SAMD10: variants seen among roughly 807,000 people sequenced by gnomAD.
SAMD10 encodes the protein sterile alpha motif domain-containing protein 10.
A neutral mutation model predicts 22.5 loss-of-function variants in SAMD10; 16 were observed. That is an observed-to-expected ratio of 0.71 (90% CI 0.48 to 1.08). The LOEUF is 1.08. SAMD10 is among the 50% of genes least tolerant of loss of function. The pLI, the probability that SAMD10 is intolerant of heterozygous loss-of-function variation, is 0.00. For synonymous variants in SAMD10, 118 were observed against 122.2 expected (o/e 0.97, Z 0.23); for missense variants, 227 against 281.3 (o/e 0.81, Z 1.38).
In SAMD10 at chr20:63,979,007, G is replaced by A. The variant is rs1012388042; in HGVS notation, c.91+370C>T. Among the ~76,000 whole-genome samples, 2 of 152,212 alleles carry A rather than the reference G, an allele frequency of 1.3e-5. No individual in the cohort carries two copies. The highest frequency in any genetic ancestry group is 4.8e-5 in the African/African-American group (2 of 41,448). On this transcript the variant is annotated intron_variant, in intron 1 of 4. Transcript: ENST00000369886. The surrounding 1 kb of genome is among the most constrained non-coding windows in gnomAD (Gnocchi z 7.7). ...CTCCCGCCCCAACGTCAGGATTCCA[G>A]AAGGAAATGGGGCGGGGGCACCGAG...
At chr20:63,978,330 G>T in intron 1 of SAMD10, 1 of 1,299,208 alleles carries the variant, frequency 7.7e-7, no homozygotes, top group Non-Finnish European at 1.0e-6. Flanking sequence ...AATGAATGAA[G>T]GCTCTGTATG....
In SAMD10 at chr20:63,977,376, A is replaced by T; in HGVS notation, c.122T>A (p.Leu41His). Residue 41 changes from leucine to histidine, a missense_variant, in exon 2 of 5, where the codon CTC becomes CAC. By Grantham distance (99) the Leu-to-His change is moderately conservative (BLOSUM62 -3). Transcript: ENST00000369886. The surrounding 1 kb of genome is among the most constrained non-coding windows in gnomAD (Gnocchi z 5.4). The stretch of plus-strand genomic sequence containing the variant: ...CTCAGCTGACACCGTGTGCTCCAGG[A>T]GGGTCCGGCAGAAGCTGAAGTGGGC... ...ATAHFSFCRT[L>H]LEHTVSAESI... 1.2e-6 allele frequency: 2 copies of T among 1,613,164 alleles called. No homozygotes were observed. Among genetic ancestry groups the T allele is most frequent in the Non-Finnish European group, 1.7e-6 (2 of 1,180,004 alleles).
Position 63,975,348 on chromosome 20 carries a change from G to A in SAMD10, c.*162C>T, listed in dbSNP as rs1485839824. The A allele has an allele frequency of 2.5e-6, 2 of 796,452 alleles. No individual in the cohort carries two copies. Among genetic ancestry groups the A allele is most frequent in the Non-Finnish European group, 4.0e-6 (2 of 500,194 alleles). 49.3% of individuals were successfully genotyped at this position (796,452 alleles called of 1,614,324 possible). On this transcript the variant is annotated 3_prime_UTR_variant, in exon 5 of 5. Transcript: ENST00000369886. The stretch of plus-strand genomic sequence containing the variant: ...GCACGACCTGGAATGTCCAACCAGA[G>A]GCGCCTGGAGGTGTGATCCTGGTCC...
intron 3 of SAMD10, among the ~76,000 whole-genome samples, chr20:63,976,157 A>G (rs1244927400): frequency 2.0e-5 from 3 of 151,542 alleles, no homozygotes; most frequent in African/African-American, 7.3e-5. Context: ...TGGATGACAG[A>G]GCGAGACTCC....
At chr20:63,976,001 C>G (rs2059019800) in intron 3 of SAMD10, among the ~76,000 whole-genome samples, 169 bp from the exon 4 acceptor site, 1 of 152,118 alleles carries the variant, frequency 6.6e-6, no homozygotes. Context: ...GGTGAAACCC[C>G]GTTTCTACTA....
intron 1 of SAMD10, among the ~76,000 whole-genome samples, chr20:63,978,904 G>A (rs928132168): frequency 6.6e-6 from 1 of 152,150 alleles, no homozygotes; most frequent in Admixed American, 6.5e-5. Flanking sequence ...ACCTGCCCCG[G>A]CCAAGCAGGC....
rs956131815 is a variant in SAMD10, at chr20:63,978,214, C to G, written c.92-808G>C. On this transcript the variant is annotated intron_variant, in intron 1 of 4. Coordinates refer to ENST00000369886, the MANE Select transcript of SAMD10 (RefSeq NM_080621.5). ...ACTGCATTAAAGTGTTTCATCTGAGCTTTGTCATCATCTCTGGGGGCACTG... is the reference window on the plus strand; with the variant it reads ...ACTGCATTAAAGTGTTTCATCTGAGGTTTGTCATCATCTCTGGGGGCACTG... 3 of 827,438 alleles carry G rather than the reference C, an allele frequency of 3.6e-6. No individual in the cohort carries two copies. The African/African-American group carries it at 5.3e-5, about 15-fold the overall frequency. The allele number at this position is 827,438 out of a possible 1,614,324, so 51.3% of individuals were successfully genotyped here.
rs1044342128 is a variant in SAMD10 at position 63,979,557 on chromosome 20, G to C, written c.-90C>G. 4.0e-6 allele frequency: 4 copies of C among 992,218 alleles called. No homozygotes were observed. The highest frequency in any genetic ancestry group is 4.8e-6 in the Non-Finnish European group (4 of 835,654). 61.5% of individuals were successfully genotyped at this position (992,218 alleles called of 1,614,324 possible). Reference sequence around the variant, plus strand: ...GGCGGGGAACGCGCGCCGCCGCCCCGCCCCGCCCCAGCCGGCCCCGCGCCC... The same window carrying C: ...GGCGGGGAACGCGCGCCGCCGCCCCCCCCCGCCCCAGCCGGCCCCGCGCCC... On this transcript the variant is annotated 5_prime_UTR_variant, in exon 1 of 5. Coordinates refer to ENST00000369886, the MANE Select transcript of SAMD10 (RefSeq NM_080621.5). The surrounding 1 kb of genome is among the most constrained non-coding windows in gnomAD (Gnocchi z 7.7).
At position 63,979,265 on chromosome 20, in the gene SAMD10, ACC is replaced by A. The variant is rs2059046629; in HGVS notation, c.91+110_91+111del. On this transcript the variant is annotated intron_variant, in intron 1 of 4. Coordinates refer to ENST00000369886, the MANE Select transcript of SAMD10 (RefSeq NM_080621.5). The surrounding 1 kb of genome is among the most constrained non-coding windows in gnomAD (Gnocchi z 7.7). ...CGTTGAGCCGAGACATCCGCCGAAT[ACC>A]CCCAGCCACCGCCGCTCGAAGCCCG... The A allele has an allele frequency of 1.4e-6, 1 of 696,356 alleles. No individual in the cohort carries two copies. Among genetic ancestry groups the A allele is most frequent in the South Asian group, 2.2e-5 (1 of 44,642 alleles). 43.1% of individuals were successfully genotyped at this position (696,356 alleles called of 1,614,324 possible).
At chr20:63,976,923 C>T in intron 3 of SAMD10, 48 bp downstream of exon 3, 2 of 1,595,992 alleles carry the variant, frequency 1.3e-6, no homozygotes, top group Non-Finnish European at 1.7e-6. Context: ...AAGAGACGCT[C>T]TGAGGCAGGT....
chr20:63,979,841 G>T, upstream of SAMD10: 1 of 234,536 alleles, frequency 4.3e-6, no homozygotes, highest in Non-Finnish European at 7.0e-6. This position sits in a 1 kb window ranked among gnomAD's most constrained non-coding sequence, Gnocchi z 7.7. Flanking sequence ...TCTCACAGGG[G>T]TCTTCTACCT....
chr20:63,979,175 G>C lies in SAMD10; in HGVS notation c.91+202C>G, dbSNP rs910159741. 2.6e-5 allele frequency among the ~76,000 whole-genome samples: 4 copies of C among 152,058 alleles called. No homozygotes were observed. The highest frequency in any genetic ancestry group is 9.7e-5 in the African/African-American group (4 of 41,394). Reference sequence around the variant, plus strand: ...TGACACCCCCTCACCCCAAGCCAAGGGCGCGCTGACCCCCAAGGCCTGAGG... The same window carrying C: ...TGACACCCCCTCACCCCAAGCCAAGCGCGCGCTGACCCCCAAGGCCTGAGG... On this transcript the variant is annotated intron_variant, in intron 1 of 4. Transcript: ENST00000369886. The surrounding 1 kb of genome is among the most constrained non-coding windows in gnomAD (Gnocchi z 7.7).
chr20:63,974,361 C>T lies in SAMD10; in HGVS notation c.*1149G>A, dbSNP rs111264234. 2,960 of 152,722 alleles carry T rather than the reference C, an allele frequency of 0.019. 92 individuals carry two copies. The highest frequency in any genetic ancestry group is 0.067 in the African/African-American group (2,788 of 41,546). 9.5% of individuals were successfully genotyped at this position (152,722 alleles called of 1,614,324 possible). A position where few individuals can be genotyped will look rare whatever the true frequency, so the allele number is the denominator to read the frequency against. On this transcript the variant is annotated 3_prime_UTR_variant, in exon 5 of 5. Coordinates refer to ENST00000369886, the MANE Select transcript of SAMD10 (RefSeq NM_080621.5). ...GTGGTGGGGGCTTACAGGATGGGAGCGGCCAGGCCAGTTGTCCAAATTCCA... is the reference window on the plus strand; with the variant it reads ...GTGGTGGGGGCTTACAGGATGGGAGTGGCCAGGCCAGTTGTCCAAATTCCA...
rs537209418 is a variant in SAMD10 at position 63,977,028 on chromosome 20, G to C, written c.388C>G (p.His130Asp). The C allele has an allele frequency of 3.7e-6, 6 of 1,614,166 alleles. No homozygotes were observed. In the South Asian group the frequency reaches 6.6e-5, roughly 18 times the overall value. Residue 130 changes from histidine to aspartate, a missense_variant, in exon 3 of 5, where the codon CAC becomes GAC. Physicochemically the swap from His to Asp is moderately conservative, Grantham distance 81. Transcript: ENST00000369886. The surrounding 1 kb of genome is among the most constrained non-coding windows in gnomAD (Gnocchi z 5.4). ...QQDVCKWLKKHCPHNYLVYVE... is the reference protein window; with the variant it reads ...QQDVCKWLKKDCPHNYLVYVE... ...TAGACGAGGTAGTTGTGGGGACAGTGCTTCTTGAGCCACTTGCAGACGTCC... is the reference window on the plus strand; with the variant it reads ...TAGACGAGGTAGTTGTGGGGACAGTCCTTCTTGAGCCACTTGCAGACGTCC...
In SAMD10 at chr20:63,977,171, T is replaced by A. The variant is rs187553530; in HGVS notation, c.274-29A>T. On this transcript the variant is annotated intron_variant, in intron 2 of 4. Coordinates refer to ENST00000369886, the MANE Select transcript of SAMD10 (RefSeq NM_080621.5). The surrounding 1 kb of genome is among the most constrained non-coding windows in gnomAD (Gnocchi z 5.4). ...CAGGGGAGGGGCGTGGCAGGCAGAG[T>A]GAGAGTGGTGGAGAAGGAGGGCAGG... The A allele has an allele frequency of 3.7e-6, 6 of 1,606,462 alleles. No individual in the cohort carries two copies. Among genetic ancestry groups the A allele is most frequent in the Middle Eastern group, 1.7e-4 (1 of 6,030 alleles).
chr20:63,978,094 AC>A (rs2059037811), intron 1 of SAMD10, among the ~76,000 whole-genome samples: 1 of 152,240 alleles, frequency 6.6e-6, no homozygotes, highest in South Asian at 2.1e-4. Context: ...AATGGTGGGT[AC>A]CCATTGGATA....
At chr20:63,976,764 C>CAAAAAAAAAAAAAAAA (rs60461303) in intron 3 of SAMD10, among the ~76,000 whole-genome samples, 21 of 63,928 alleles carry the variant, frequency 3.3e-4, no homozygotes, top group African/African-American at 1.4e-3. Flanking sequence ...TCTGTCTCAC[C>CAAAAAAAAAAAAAAAA]AAAAAAAAAA....
In SAMD10 at chr20:63,974,664, G is replaced by A. The variant is rs1431719518; in HGVS notation, c.*846C>T. The A allele has an allele frequency of 6.6e-6, 1 of 152,368 alleles. No individual in the cohort carries two copies. Among genetic ancestry groups the A allele is most frequent in the Non-Finnish European group, 1.5e-5 (1 of 68,098 alleles). The allele number at this position is 152,368 out of a possible 1,614,324, so 9.4% of individuals were successfully genotyped here. ...CTCTCCCCTGAATCCAGGCCTTCTT[G>A]GGAAAGCAGCAATGGGAAGGCCCAC... On this transcript the variant is annotated 3_prime_UTR_variant, in exon 5 of 5. Coordinates refer to ENST00000369886, the MANE Select transcript of SAMD10 (RefSeq NM_080621.5).
intron 3 of SAMD10, among the ~76,000 whole-genome samples, chr20:63,976,478 G>A (rs2059022985): frequency 6.6e-6 from 1 of 151,748 alleles, no homozygotes; most frequent in Non-Finnish European, 1.5e-5. Context: ...GAAAGGCAGA[G>A]AGGTCCGGAC....
Sources: allele counts gnomAD v4.1 joint callset (sites outside exome capture counted in the v4.1 genomes callset), GRCh38; gene constraint gnomAD v4.1.1; non-coding constraint Gnocchi (gnomAD v3.1); transcripts MANE v1.5; gene names NCBI Gene and HGNC (gene_info 2026-07-23, HGNC 2026-07-21).